The following SCGB2B2 variants were observed in gnomAD, a reference collection of about 807,000 sequenced individuals.
The protein encoded by SCGB2B2 is secretoglobin family 2B member 2, also known as secretoglobin-like protein.
In SCGB2B2, 11 loss-of-function variants were observed where a neutral mutation model predicts 7.6. That is an observed-to-expected ratio of 1.45 (90% confidence interval 0.91 to 2.40). The LOEUF (loss-of-function observed/expected upper bound fraction) is 2.40, where lower values mean the gene tolerates loss of function less well. Ranked by LOEUF, SCGB2B2 falls within the 30% of genes most tolerant of loss-of-function variation. The pLI is 0.00. For synonymous variants in SCGB2B2, 50 were observed against 48.6 expected (o/e 1.03, Z -0.12); for missense variants, 104 against 115.4 (o/e 0.90, Z 0.45).
At chr19:34,619,231 G>T (rs1270969932) in intron 1 of SCGB2B2, among the ~76,000 whole-genome samples, 1 of 152,096 alleles carries the variant, frequency 6.6e-6, no homozygotes, top group East Asian at 1.9e-4. Flanking sequence ...ATCCAAGACA[G>T]AATTTCATCA....
intron 1 of SCGB2B2, among the ~76,000 whole-genome samples, chr19:34,615,778 C>T (rs1426996408): frequency 2.0e-5 from 3 of 151,804 alleles, no homozygotes; most frequent in African/African-American, 7.3e-5. Flanking sequence ...ATGTGCCATG[C>T]TGGTGTGCTG....
chr19:34,603,794 A>ATTTTT (rs2065698240), intron 1 of SCGB2B2, among the ~76,000 whole-genome samples: 3 of 75,410 alleles, frequency 4.0e-5, no homozygotes, highest in South Asian at 4.8e-4. Context: ...ATGTTTTATT[A>ATTTTT]CTTTTTTTTT....
rs1600030809 is a variant in SCGB2B2 at position 34,592,473 on chromosome 19, C to T, written c.*1082G>A. Among the ~76,000 whole-genome samples the T allele has an allele frequency of 6.6e-6, 1 of 151,946 alleles. No individual in the cohort carries two copies. Among genetic ancestry groups the T allele is most frequent in the East Asian group, 1.9e-4 (1 of 5,152 alleles). ...AGGGACAGGGTTTGGAGGGTGTCAT[C>T]TGAGAGACACCTGGGTGGGAGGGAG... On this transcript the variant is annotated 3_prime_UTR_variant, in exon 4 of 4. Coordinates refer to ENST00000601241, the MANE Select transcript of SCGB2B2 (RefSeq NM_001025591.4).
intron 1 of SCGB2B2, among the ~76,000 whole-genome samples, chr19:34,597,375 TG>T (rs34432936): frequency 0.47 from 70,604 of 151,836 alleles, 16,815 homozygotes; most frequent in East Asian, 0.68. Flanking sequence ...CTTTTAGCCC[TG>T]GGGACATTGG....
intron 1 of SCGB2B2, among the ~76,000 whole-genome samples, chr19:34,659,961 G>A (rs1358346433): frequency 2.6e-5 from 4 of 152,240 alleles, no homozygotes; most frequent in Admixed American, 6.5e-5. Context: ...ACAGAACAGA[G>A]CCCTCAGAAA....
At position 34,637,191 on chromosome 19, in the gene SCGB2B2, C is replaced by T. The variant is rs147208009; in HGVS notation, c.-2032+38439G>A. 3.2e-3 allele frequency among the ~76,000 whole-genome samples: 489 copies of T among 152,266 alleles called. 1 individual carries two copies. Among genetic ancestry groups the T allele is most frequent in the African/African-American group, 0.011 (462 of 41,562 alleles). ...GAGGTACAATGATTCTGCATAGTCA[C>T]TCTGCCAGGGCGAGGCCAAGCCTGG... On this transcript the variant is annotated intron_variant, in intron 1 of 3. Coordinates refer to ENST00000601241, the MANE Select transcript of SCGB2B2 (RefSeq NM_001025591.4).
chr19:34,674,533 G>A (rs984292201), intron 1 of SCGB2B2, among the ~76,000 whole-genome samples: 4 of 152,176 alleles, frequency 2.6e-5, no homozygotes, highest in Non-Finnish European at 5.9e-5. Flanking sequence ...AAATTAAAAT[G>A]TCCTGGAGAG....
chr19:34,628,840 C>T (rs929408845), intron 1 of SCGB2B2, among the ~76,000 whole-genome samples: 1 of 151,958 alleles, frequency 6.6e-6, no homozygotes, highest in African/African-American at 2.4e-5. Flanking sequence ...AGACCAATAT[C>T]GTTGATGAAC....
At chr19:34,601,141 A>AGAT (rs1329441662) in intron 1 of SCGB2B2, among the ~76,000 whole-genome samples, 1 of 152,198 alleles carries the variant, frequency 6.6e-6, no homozygotes, top group East Asian at 1.9e-4. Context: ...ATTTAGGAGA[A>AGAT]GATAATCTTT....
In SCGB2B2 at chr19:34,592,924, G is replaced by T. The variant is rs2145728850; in HGVS notation, c.*631C>A. 6.6e-6 allele frequency among the ~76,000 whole-genome samples: 1 copy of T among 152,242 alleles called. No individual in the cohort carries two copies. The highest frequency in any genetic ancestry group is 2.1e-4 in the South Asian group (1 of 4,816). On this transcript the variant is annotated 3_prime_UTR_variant, in exon 4 of 4. Coordinates refer to ENST00000601241, the MANE Select transcript of SCGB2B2 (RefSeq NM_001025591.4). ...TCCCGAGTCCTGGGGAGCCCTGGAGGTTCTGCATTGAGGGGTTGTGGGGTA... is the reference window on the plus strand; with the variant it reads ...TCCCGAGTCCTGGGGAGCCCTGGAGTTTCTGCATTGAGGGGTTGTGGGGTA...
chr19:34,587,912 T>C (rs2065217664), downstream of SCGB2B2, among the ~76,000 whole-genome samples: 1 of 152,242 alleles, frequency 6.6e-6, no homozygotes, highest in Non-Finnish European at 1.5e-5. Flanking sequence ...TTTGATGTGC[T>C]GCTTCATTTG....
chr19:34,659,488 C>T (rs553612507), intron 1 of SCGB2B2, among the ~76,000 whole-genome samples: 26 of 152,142 alleles, frequency 1.7e-4, no homozygotes, highest in Non-Finnish European at 2.1e-4. Flanking sequence ...TTCCTATACA[C>T]CAATAATAGA....
intron 1 of SCGB2B2, among the ~76,000 whole-genome samples, chr19:34,631,053 G>C (rs562287428): frequency 1.4e-5 from 2 of 140,106 alleles, no homozygotes; most frequent in East Asian, 4.3e-4. Context: ...TCATAGGTGG[G>C]AATTGAACAA....
chr19:34,644,350 G>GTTTTTTTTTTT (rs76842372), intron 1 of SCGB2B2, among the ~76,000 whole-genome samples: 1 of 120,730 alleles, frequency 8.3e-6, no homozygotes. Flanking sequence ...TTGTTTTTTT[G>GTTTTTTTTTTT]TTTTTTTTTT....
chr19:34,637,533 C>T (rs1371156631), intron 1 of SCGB2B2, among the ~76,000 whole-genome samples: 1 of 152,132 alleles, frequency 6.6e-6, no homozygotes, highest in Non-Finnish European at 1.5e-5. Context: ...ACACCGGGTC[C>T]ATCGTGAGTC....
At chr19:34,673,448 A>C (rs1269070084) in intron 1 of SCGB2B2, among the ~76,000 whole-genome samples, 1 of 152,170 alleles carries the variant, frequency 6.6e-6, no homozygotes, top group African/African-American at 2.4e-5. Context: ...CTTGTTCAGG[A>C]AGGAATTTAA....
At chr19:34,631,305 G>GTT (rs1306625388) in intron 1 of SCGB2B2, among the ~76,000 whole-genome samples, 2 of 131,578 alleles carry the variant, frequency 1.5e-5, no homozygotes, top group Non-Finnish European at 1.6e-5. Flanking sequence ...AACATTATGA[G>GTT]TTTTTTTTTT....
At chr19:34,607,792 T>C (rs911134978) in intron 1 of SCGB2B2, among the ~76,000 whole-genome samples, 37 of 152,240 alleles carry the variant, frequency 2.4e-4, no homozygotes, top group African/African-American at 8.7e-4. Flanking sequence ...TTTAATTGGA[T>C]TGTTTTTTGC....
rs1209173758 is a variant in SCGB2B2, at chr19:34,594,591, C to T, written c.-28G>A. ...CAGCGGAGTCTGGTCCCAGCAGGCA[C>T]AGGCAGGGAATTTGGCGATGGGTGA... On this transcript the variant is annotated 5_prime_UTR_variant, in exon 2 of 4. In the 5' UTR this introduces an upstream ATG that the reference lacks. Coordinates refer to ENST00000601241, the MANE Select transcript of SCGB2B2 (RefSeq NM_001025591.4). 1 of 1,608,958 alleles carries T rather than the reference C, an allele frequency of 6.2e-7. No homozygotes were observed. Among genetic ancestry groups the T allele is most frequent in the Admixed American group, 1.7e-5 (1 of 59,984 alleles).
Sources: gnomAD v4.1 joint callset for allele counts (sites outside exome capture counted in the v4.1 genomes callset) on GRCh38, gnomAD v4.1.1 for gene constraint, MANE v1.5 for transcripts, NCBI Gene and HGNC (gene_info 2026-07-23, HGNC 2026-07-21) for gene names.